The following USP34 variants were observed in gnomAD, a reference collection of about 807,000 sequenced individuals.
USP34 encodes the protein ubiquitin specific peptidase 34.
Under a neutral mutation model 460.3 loss-of-function variants are expected in USP34, and 70 were observed. The observed-to-expected ratio is 0.15, with a 90% CI of 0.13 to 0.19. USP34 has a LOEUF of 0.19. USP34 is among the 10% of genes least tolerant of loss of function. The pLI is 1.00. For missense variants in USP34, 3,985 were observed against 4,236.2 expected, an observed-to-expected ratio of 0.94 and a Z score of 1.65; for synonymous variants, 1,647 against 1,405.3, an observed-to-expected ratio of 1.17 and a Z score of -3.85.
intron 6 of USP34, 150 bp downstream of exon 6, chr2:61,383,119 G>T: frequency 2.2e-6 from 1 of 444,548 alleles, no homozygotes; most frequent in Non-Finnish European, 4.0e-6. Context: ...CCATATATGT[G>T]CATAAAAAAC....
At chr2:61,362,626 G>C (rs945758219) in intron 10 of USP34, among the ~76,000 whole-genome samples, 1 of 152,144 alleles carries the variant, frequency 6.6e-6, no homozygotes, top group African/African-American at 2.4e-5. Flanking sequence ...GAAGCGGAGA[G>C]TACAGGAGGA....
chr2:61,370,986 A>T (rs1692607161), intron 8 of USP34, among the ~76,000 whole-genome samples: 1 of 152,194 alleles, frequency 6.6e-6, no homozygotes, highest in South Asian at 2.1e-4. Context: ...CAAAAGGATG[A>T]ACAACAAAAG....
At chr2:61,388,456 TAAAAAA>T (rs34286687) in intron 5 of USP34, among the ~76,000 whole-genome samples, 1 of 129,590 alleles carries the variant, frequency 7.7e-6, no homozygotes, top group Non-Finnish European at 1.6e-5. Flanking sequence ...CAGGGGAGTT[TAAAAAA>T]AAAAAAAAAA....
intron 20 of USP34, among the ~76,000 whole-genome samples, chr2:61,328,546 T>C (rs1377180195): frequency 6.6e-6 from 1 of 152,144 alleles, no homozygotes; most frequent in Non-Finnish European, 1.5e-5. Flanking sequence ...TGTATCAAAA[T>C]AGTCCAGACA....
intron 74 of USP34, 121 bp from the exon 75 acceptor site, chr2:61,203,384 G>A (rs990704090): frequency 9.8e-7 from 1 of 1,022,504 alleles, no homozygotes; most frequent in Admixed American, 4.1e-5. Context: ...TAAGAACCTA[G>A]TTTTAAAATC....
rs1690695790 is a variant in USP34, at chr2:61,314,855, C to T, written c.3382+20G>A. 1.2e-6 allele frequency: 2 copies of T among 1,600,788 alleles called. No individual in the cohort carries two copies. Among genetic ancestry groups the T allele is most frequent in the Non-Finnish European group, 8.5e-7 (1 of 1,176,294 alleles). ...CCTCACATAGAAATTACCTATCAGA[C>T]AATGTTTCAAATCACTTACCATTAA... On this transcript the variant is annotated intron_variant, in intron 24 of 79. Coordinates refer to ENST00000398571, the MANE Select transcript of USP34 (RefSeq NM_014709.4).
intron 1 of USP34, among the ~76,000 whole-genome samples, chr2:61,425,835 C>T (rs566369405): frequency 5.3e-5 from 8 of 151,966 alleles, no homozygotes; most frequent in Admixed American, 5.2e-4. Flanking sequence ...CCCTTCCCCT[C>T]GACAGGCTGC....
At chr2:61,243,764 G>C (rs1297859513) in intron 51 of USP34, among the ~76,000 whole-genome samples, 1 of 151,352 alleles carries the variant, frequency 6.6e-6, no homozygotes, top group African/African-American at 2.4e-5. Flanking sequence ...CCAGCTATTC[G>C]GGAGGCCGAG....
chr2:61,306,105 C>CT (rs11448621), intron 27 of USP34, among the ~76,000 whole-genome samples: 80,151 of 151,902 alleles, frequency 0.53, 21,471 homozygotes, highest in South Asian at 0.74. Flanking sequence ...TCTATTTTGG[C>CT]TTTGTTGCCA....
intron 33 of USP34, among the ~76,000 whole-genome samples, chr2:61,289,079 G>C (rs1350378342): frequency 6.6e-6 from 1 of 152,150 alleles, no homozygotes; most frequent in Non-Finnish European, 1.5e-5. Context: ...TAGAAATAAA[G>C]AGGGTATACA....
Position 61,370,534 on chromosome 2 carries a change from C to G in USP34, c.1122G>C (p.Val374=), listed in dbSNP as rs754894884. Residue 374 remains valine (V), a synonymous_variant, in exon 9 of 80, where the codon GTG becomes GTC. Transcript: ENST00000398571. ...ELADWLISNN[V]VEHIFGPNLH... ...AATTTGGTCCAAATATATGCTCCACCACATTGTTGCTAATAAGCCAGTCTG... is the reference window on the plus strand; with the variant it reads ...AATTTGGTCCAAATATATGCTCCACGACATTGTTGCTAATAAGCCAGTCTG... The G allele has an allele frequency of 1.9e-6, 3 of 1,613,894 alleles. No individual in the cohort carries two copies. The South Asian group carries it at 3.3e-5, about 18-fold the overall frequency.
chr2:61,453,017 A>G lies in USP34; in HGVS notation c.43+17633T>C, dbSNP rs1290854937. 6.6e-5 allele frequency among the ~76,000 whole-genome samples: 10 copies of G among 152,092 alleles called. 1 individual carries two copies. In the South Asian group the frequency reaches 2.1e-3, roughly 32 times the overall value. On this transcript the variant is annotated intron_variant, in intron 1 of 79. Coordinates refer to ENST00000398571, the MANE Select transcript of USP34 (RefSeq NM_014709.4). The stretch of plus-strand genomic sequence containing the variant: ...TCATACAGATTCTTAAAAATAGAAT[A>G]TCTAATATTTTTAAAAAAAAAGGCA...
At chr2:61,259,182 C>T (rs528997133) in intron 44 of USP34, among the ~76,000 whole-genome samples, 47 of 152,138 alleles carry the variant, frequency 3.1e-4, no homozygotes, top group Non-Finnish European at 5.7e-4. Flanking sequence ...TCACTTGAAC[C>T]TGGGAGGTGG....
At chr2:61,293,132 T>C (rs548856604) in intron 33 of USP34, among the ~76,000 whole-genome samples, 31 of 152,036 alleles carry the variant, frequency 2.0e-4, no homozygotes, top group African/African-American at 6.7e-4. Context: ...AAAAAGTTTT[T>C]TGAAAAAACT....
chr2:61,313,775 G>A (rs1690664774), intron 25 of USP34, among the ~76,000 whole-genome samples: 1 of 151,932 alleles, frequency 6.6e-6, no homozygotes, highest in South Asian at 2.1e-4. Context: ...TTCAAATCAT[G>A]GAAGCATGTT....
intron 41 of USP34, chr2:61,277,815 T>A (rs1204092301): frequency 5.4e-6 from 1 of 183,810 alleles, no homozygotes; most frequent in African/African-American, 2.4e-5. Flanking sequence ...GATGACTGAA[T>A]CATGGCGGCG....
At position 61,322,098 on chromosome 2, in the gene USP34, C is replaced by T. The variant is rs576743349; in HGVS notation, c.3014-2771G>A. The stretch of plus-strand genomic sequence containing the variant: ...ACAAAAAATTAGCTAGGCGTGGTGG[C>T]GCATGCCTATAATACCAGCTACTCG... On this transcript the variant is annotated intron_variant, in intron 21 of 79. Coordinates refer to ENST00000398571, the MANE Select transcript of USP34 (RefSeq NM_014709.4). 8.6e-5 allele frequency among the ~76,000 whole-genome samples: 13 copies of T among 152,046 alleles called. No individual in the cohort carries two copies. In the South Asian group the frequency reaches 1.7e-3, roughly 19 times the overall value.
rs144791609 is a variant in USP34, at chr2:61,351,496, A to C, written c.1252-803T>G. Among the ~76,000 whole-genome samples, 231 of 152,282 alleles carry C rather than the reference A, an allele frequency of 1.5e-3. 1 individual carries two copies. The East Asian group carries it at 0.016, about 11-fold the overall frequency. On this transcript the variant is annotated intron_variant, in intron 10 of 79. Transcript: ENST00000398571. Reference sequence around the variant, plus strand: ...GTATTTTACAGCCATGAAGCTGCTAACTACTAAATCAAGATAGGGTAATAA... The same window carrying C: ...GTATTTTACAGCCATGAAGCTGCTACCTACTAAATCAAGATAGGGTAATAA...
At position 61,331,382 on chromosome 2, in the gene USP34, TAAAAG is replaced by T; in HGVS notation, c.2835-16_2835-12del. 1 of 1,603,370 alleles carries T rather than the reference TAAAAG, an allele frequency of 6.2e-7. No individual in the cohort carries two copies. On this transcript the variant is annotated splice_polypyrimidine_tract_variant and intron_variant, in intron 19 of 79. Coordinates refer to ENST00000398571, the MANE Select transcript of USP34 (RefSeq NM_014709.4). ...TCTTTTTCTGCCCACCTGGCCCAAATAAAAGAAAAAATAATTTTAAAGTGGGCAGG... is the reference window on the plus strand; with the variant it reads ...TCTTTTTCTGCCCACCTGGCCCAAATAAAAAATAATTTTAAAGTGGGCAGG...
Sources: allele counts gnomAD v4.1 joint callset (sites outside exome capture counted in the v4.1 genomes callset), GRCh38; gene constraint gnomAD v4.1.1; transcripts MANE v1.5; gene names NCBI Gene and HGNC (gene_info 2026-07-23, HGNC 2026-07-21).